SHTN1: variants seen among roughly 807,000 people sequenced by gnomAD.
The protein encoded by SHTN1 is shootin-1.
SHTN1 carries 42 observed loss-of-function variants against 83.1 expected under a neutral mutation model. The observed-to-expected ratio is 0.51, with a 90% CI of 0.39 to 0.65. The LOEUF (loss-of-function observed/expected upper bound fraction) is 0.65, where lower values mean the gene tolerates loss of function less well. SHTN1 is among the 30% of genes least tolerant of loss of function. The pLI, the probability that SHTN1 is intolerant of heterozygous loss-of-function variation, is 0.00. For missense variants in SHTN1, 622 were observed against 737.8 expected (o/e 0.84, Z 1.82); for synonymous variants, 224 against 247.7 (o/e 0.90, Z 0.90).
At chr10:117,014,798 AC>A (rs1244213094) in intron 2 of SHTN1, among the ~76,000 whole-genome samples, 17 of 152,344 alleles carry the variant, frequency 1.1e-4, no homozygotes, top group African/African-American at 4.1e-4. Context: ...AAAAATAGGA[AC>A]CTAATTTTAA....
chr10:117,079,029 T>C (rs1420165011), intron 1 of SHTN1, among the ~76,000 whole-genome samples: 2 of 151,510 alleles, frequency 1.3e-5, no homozygotes, highest in African/African-American at 2.4e-5. Flanking sequence ...GTGAATTTTT[T>C]TTATTTTTAT....
intron 2 of SHTN1, chr10:117,023,574 G>C (rs1276432206): frequency 1.3e-5 from 2 of 152,602 alleles, no homozygotes; most frequent in Non-Finnish European, 2.9e-5. Flanking sequence ...TAAAGTTTTA[G>C]AACAAGGCAG....
At chr10:117,083,831 T>A (rs1177286081) in intron 1 of SHTN1, among the ~76,000 whole-genome samples, 1 of 152,176 alleles carries the variant, frequency 6.6e-6, no homozygotes, top group African/African-American at 2.4e-5. Context: ...TTCCAGTTGA[T>A]CGCATCGGCT....
At chr10:116,907,454 C>G (rs1383126096) in intron 14 of SHTN1, among the ~76,000 whole-genome samples, 1 of 152,142 alleles carries the variant, frequency 6.6e-6, no homozygotes, top group African/African-American at 2.4e-5. Context: ...AATCTGTACT[C>G]CTGCTGAAAC....
At chr10:117,099,562 G>A (rs955141155) in intron 1 of SHTN1, among the ~76,000 whole-genome samples, 6 of 152,088 alleles carry the variant, frequency 3.9e-5, no homozygotes, top group African/African-American at 1.2e-4. Flanking sequence ...TTTGAGTCAC[G>A]TCAGATTCCA....
At chr10:117,117,611 T>C (rs1358167288) in intron 1 of SHTN1, among the ~76,000 whole-genome samples, 1 of 152,160 alleles carries the variant, frequency 6.6e-6, no homozygotes, top group Non-Finnish European at 1.5e-5. Context: ...AGAACAATAC[T>C]GGAGGCATCA....
intron 1 of SHTN1, among the ~76,000 whole-genome samples, chr10:116,993,663 TTGTC>T (rs1463264260): frequency 5.3e-5 from 8 of 152,134 alleles, no homozygotes; most frequent in Non-Finnish European, 7.4e-5. Flanking sequence ...ATGCCTAGCT[TTGTC>T]TGTCTCATAA....
At chr10:117,020,245 T>C (rs930542838) in intron 2 of SHTN1, among the ~76,000 whole-genome samples, 3 of 151,756 alleles carry the variant, frequency 2.0e-5, no homozygotes, top group Admixed American at 1.3e-4. Context: ...ATCCCAGCAC[T>C]TTGGGAGGCC....
At chr10:117,008,499 G>A (rs1472739114), upstream of SHTN1, among the ~76,000 whole-genome samples, 2 of 152,012 alleles carry the variant, frequency 1.3e-5, no homozygotes, top group African/African-American at 2.4e-5. Flanking sequence ...TGGCAATATT[G>A]GAATATTATT....
intron 1 of SHTN1, among the ~76,000 whole-genome samples, chr10:117,109,892 A>G (rs906678909): frequency 1.4e-4 from 21 of 152,160 alleles, no homozygotes; most frequent in Admixed American, 1.2e-3. Flanking sequence ...TTCAATAAGT[A>G]ATAATCTTCA....
At chr10:116,912,233 CAG>C (rs1848227340) in intron 13 of SHTN1, among the ~76,000 whole-genome samples, 1 of 152,176 alleles carries the variant, frequency 6.6e-6, no homozygotes, top group Non-Finnish European at 1.5e-5. Flanking sequence ...TGCCAGCAAG[CAG>C]AGACTAGAAA....
rs115372630 is a variant in SHTN1 at position 116,881,782 on chromosome 10, G to A, written c.*4562C>T. ...TTCCTCTTCAACTTCACCAACTCTT[G>A]TGGTTTTTATTCTTCTAATTCCACT... is the stretch of plus-strand genomic sequence containing the variant. On this transcript the variant is annotated 3_prime_UTR_variant, in exon 17 of 17. Coordinates refer to ENST00000355371, the MANE Select transcript of SHTN1 (RefSeq NM_001127211.3). 5.4e-5 allele frequency: 44 copies of A among 807,980 alleles called. No homozygotes were observed. The African/African-American group carries it at 7.5e-4, about 14-fold the overall frequency. 50.1% of individuals were successfully genotyped at this position (807,980 alleles called of 1,614,324 possible).
intron 1 of SHTN1, among the ~76,000 whole-genome samples, chr10:116,991,967 C>T (rs138736598): frequency 1.3e-5 from 2 of 152,120 alleles, no homozygotes; most frequent in African/African-American, 4.8e-5. Context: ...CATGGTGAAA[C>T]CCTGTCTCTA....
chr10:116,966,428 A>C (rs17095827), intron 3 of SHTN1, among the ~76,000 whole-genome samples: 8,972 of 152,216 alleles, frequency 0.059, 852 homozygotes, highest in African/African-American at 0.2. Flanking sequence ...TCCAAACCTT[A>C]AATTAATTAA....
intron 1 of SHTN1, among the ~76,000 whole-genome samples, chr10:117,003,225 G>A (rs1851883072): frequency 6.6e-6 from 1 of 151,686 alleles, no homozygotes; most frequent in South Asian, 2.1e-4. Flanking sequence ...AATGTTTTGG[G>A]TTGGGCGAAG....
intron 1 of SHTN1, among the ~76,000 whole-genome samples, chr10:117,076,387 A>G (rs1467002843): frequency 1.3e-5 from 2 of 152,016 alleles, no homozygotes; most frequent in African/African-American, 4.8e-5. Context: ...CTTTGCTTCA[A>G]CTGCATCTCT....
At chr10:117,061,751 A>G (rs1238459505) in intron 1 of SHTN1, among the ~76,000 whole-genome samples, 2 of 152,178 alleles carry the variant, frequency 1.3e-5, no homozygotes, top group Non-Finnish European at 2.9e-5. Context: ...GATTACAGAC[A>G]TGAGCCACCA....
At chr10:116,900,340 C>T (rs1847687311) in intron 16 of SHTN1, 1 of 582,064 alleles carries the variant, frequency 1.7e-6, no homozygotes, top group Admixed American at 3.0e-5. Flanking sequence ...AATTGAGCTT[C>T]ACATCTGCCT....
exon 1 of SHTN1, chr10:117,126,524 A>G (rs1854012851): frequency 1.2e-5 from 1 of 82,490 alleles, no homozygotes; most frequent in Admixed American, 1.2e-4. Flanking sequence ...CTCGCCTCCT[A>G]GCACGCATGC....
Sources: allele counts gnomAD v4.1 joint callset (sites outside exome capture counted in the v4.1 genomes callset), GRCh38; gene constraint gnomAD v4.1.1; transcripts MANE v1.5; gene names NCBI Gene and HGNC (gene_info 2026-07-23, HGNC 2026-07-21).